CALHM2: variants seen among roughly 807,000 people sequenced by gnomAD.
CALHM2 encodes calcium homeostasis modulator protein 2.
A neutral mutation model predicts 20.4 loss-of-function variants in CALHM2; 18 were observed. That is an observed-to-expected ratio of 0.88 (90% CI 0.61 to 1.31). The LOEUF (loss-of-function observed/expected upper bound fraction) is 1.31. Among genes scored for constraint, CALHM2 ranks in the 50% most tolerant of loss-of-function variants. CALHM2 has a pLI of 0.00. For missense variants in CALHM2, 411 were observed against 435.7 expected (o/e 0.94, Z 0.50); for synonymous variants, 193 against 192.1 (o/e 1.00, Z -0.04).
intron 3 of CALHM2, among the ~76,000 whole-genome samples, chr10:103,447,835 GGCTCA>G (rs1219040705): frequency 6.6e-6 from 1 of 152,182 alleles, no homozygotes; most frequent in African/African-American, 2.4e-5. Flanking sequence ...CAACCTGCCA[GGCTCA>G]GCTCAGATGC....
chr10:103,448,637 C>G (rs1015326073), intron 3 of CALHM2, among the ~76,000 whole-genome samples: 35 of 151,668 alleles, frequency 2.3e-4, no homozygotes, highest in African/African-American at 8.2e-4. Flanking sequence ...AGGAGAATTG[C>G]TTGAACCCAG....
At chr10:103,451,675 G>GAGGAGGAGGAGGAGGAGTAGT (rs56662667) in intron 1 of CALHM2, 1 of 145,498 alleles carries the variant, frequency 6.9e-6, no homozygotes, top group East Asian at 2.1e-4. Flanking sequence ...GGAGGAGGAG[G>GAGGAGGAGGAGGAGGAGTAGT]AGTCTGATTC....
chr10:103,447,270 T>TA lies in CALHM2; in HGVS notation c.853dup (p.Tyr285LeufsTer5). The TA allele has an allele frequency of 1.2e-6, 2 of 1,614,244 alleles. No individual in the cohort carries two copies. The highest frequency in any genetic ancestry group is 1.7e-6 in the Non-Finnish European group (2 of 1,180,048). ...GAGGCCCTGGTTCTCACGGTACAAG[T>TA]AGACGCCGGTGATGGCATTCCACTG... is the stretch of plus-strand genomic sequence containing the variant. On this transcript the variant is annotated frameshift_variant, in exon 4 of 4. Coordinates refer to ENST00000260743, the MANE Select transcript of CALHM2 (RefSeq NM_015916.5). LOFTEE classifies it high-confidence loss of function.
rs754595150 is a variant in CALHM2, at chr10:103,449,765, C to G, written c.177G>C (p.Ala59=). ...GCACCAGGGCGGGCACGCCGATGGC[C>G]GCCAGCCCGTACAGGTAGTTCCGGG... The part of the protein sequence containing the change: ...SPARNYLYGL[A]AIGVPALVLF... The change falls in exon 3 of 4, where the codon GCG becomes GCC. Residue 59 remains alanine (A), a synonymous_variant. Coordinates refer to ENST00000260743, the MANE Select transcript of CALHM2 (RefSeq NM_015916.5). 116 of 1,613,310 alleles carry G rather than the reference C, an allele frequency of 7.2e-5. No homozygotes were observed. The highest frequency in any genetic ancestry group is 9.1e-5 in the Non-Finnish European group (107 of 1,180,032).
At chr10:103,449,192 A>G in intron 3 of CALHM2, 195 bp downstream of exon 3, 1 of 609,166 alleles carries the variant, frequency 1.6e-6, no homozygotes, top group Non-Finnish European at 2.9e-6. Context: ...AAAATTGATA[A>G]AACTGTCTTA....
rs1160053358 is a variant in CALHM2 at position 103,449,837 on chromosome 10, G to A, written c.105C>T (p.Ser35=). Reference sequence around the variant, plus strand: ...AGGCCACCACAGAGAACAGCTCCTGGCTGCCCACCGTGCCCAGTGCCACCA... The same window carrying A: ...AGGCCACCACAGAGAACAGCTCCTGACTGCCCACCGTGCCCAGTGCCACCA... ...NGLVALGTVG[S]QELFSVVAFH... Residue 35 remains serine (S), a synonymous_variant, in exon 3 of 4, where the codon AGC becomes AGT. Coordinates refer to ENST00000260743, the MANE Select transcript of CALHM2 (RefSeq NM_015916.5). 8.7e-6 allele frequency: 14 copies of A among 1,613,260 alleles called. No homozygotes were observed. The highest frequency in any genetic ancestry group is 1.3e-5 in the African/African-American group (1 of 74,928).
chr10:103,451,675 G>GAGGAGGAGGAGGAGGAGT lies in CALHM2; in HGVS notation c.-361-391_-361-390insACTCCTCCTCCTCCTCCT, dbSNP rs56662667. On this transcript the variant is annotated intron_variant, in intron 1 of 3. Transcript: ENST00000260743. The stretch of plus-strand genomic sequence containing the variant: ...GGAGGAGGAGGAGGAGGAGGAGGAG[G>GAGGAGGAGGAGGAGGAGT]AGTCTGATTCTTCCCCCACTTCACA... The GAGGAGGAGGAGGAGGAGT allele has an allele frequency of 6.6e-3, 952 of 145,176 alleles. 16 individuals carry two copies. The highest frequency in any genetic ancestry group is 0.016 in the African/African-American group (607 of 37,438). The allele number at this position is 145,176 out of a possible 1,614,324, so 9.0% of individuals were successfully genotyped here. A position where few individuals can be genotyped will look rare whatever the true frequency, so the allele number is the denominator to read the frequency against.
intron 3 of CALHM2, among the ~76,000 whole-genome samples, 168 bp from the exon 4 acceptor site, chr10:103,447,736 A>G (rs1373172611): frequency 6.6e-6 from 1 of 152,124 alleles, no homozygotes; most frequent in Non-Finnish European, 1.5e-5. Flanking sequence ...ACTTGCGCTT[A>G]GACTTAGCCT....
In CALHM2 at chr10:103,447,538, C is replaced by G; in HGVS notation, c.586G>C (p.Ala196Pro). ...CACTTGGTCAGGAACACCAGGATGG[C>G]CACCACGCCGATGAGCAGCCATCCA... ...LFGWLLIGVV[A>P]ILVFLTKCLK... The change falls in exon 4 of 4, where the codon GCC (alanine) becomes CCC (proline). Residue 196 changes from alanine (A) to proline (P), a missense_variant. Coordinates refer to ENST00000260743, the MANE Select transcript of CALHM2 (RefSeq NM_015916.5). 1.9e-6 allele frequency: 3 copies of G among 1,603,532 alleles called. No homozygotes were observed. Among genetic ancestry groups the G allele is most frequent in the Non-Finnish European group, 1.7e-6 (2 of 1,173,270 alleles).
rs1489160539 is a variant in CALHM2 at position 103,449,519 on chromosome 10, G to GA, written c.422dup (p.Thr142HisfsTer14). 1.3e-5 allele frequency: 21 copies of GA among 1,613,642 alleles called. No homozygotes were observed. Among genetic ancestry groups the GA allele is most frequent in the Non-Finnish European group, 1.7e-5 (20 of 1,180,020 alleles). On this transcript the variant is annotated frameshift_variant, in exon 3 of 4. Coordinates refer to ENST00000260743, the MANE Select transcript of CALHM2 (RefSeq NM_015916.5). LOFTEE classifies it high-confidence loss of function. ...ATGGGAAGTGCTCTTCCCTGGCCGT[G>GA]AGTGAGGAAGGGTCCACGAACTCAC... is the stretch of plus-strand genomic sequence containing the variant.
Position 103,449,969 on chromosome 10 carries a change from A to T in CALHM2, c.-28T>A. On this transcript the variant is annotated 5_prime_UTR_variant, in exon 3 of 4. Coordinates refer to ENST00000260743, the MANE Select transcript of CALHM2 (RefSeq NM_015916.5). ...CGATAGTCGTGGCGGGGTGGATTGCAGGAGAGGAGGCAGGAGGAGACGGGA... is the reference window on the plus strand; with the variant it reads ...CGATAGTCGTGGCGGGGTGGATTGCTGGAGAGGAGGCAGGAGGAGACGGGA... 6.3e-7 allele frequency: 1 copy of T among 1,591,790 alleles called. No homozygotes were observed. Among genetic ancestry groups the T allele is most frequent in the Non-Finnish European group, 8.6e-7 (1 of 1,167,088 alleles).
intron 1 of CALHM2, 193 bp from the exon 2 acceptor site, chr10:103,451,478 G>A (rs1326282525): frequency 6.6e-6 from 1 of 152,518 alleles, no homozygotes; most frequent in Non-Finnish European, 1.5e-5. Context: ...GCCAAACACA[G>A]ACCTAGCCCT....
chr10:103,449,185 A>T (rs2032826773), intron 3 of CALHM2: 9 of 591,706 alleles, frequency 1.5e-5, no homozygotes, highest in South Asian at 1.4e-4. Context: ...AAAAAAAAAA[A>T]TTGATAAAAC....
At chr10:103,450,816 G>A (rs1474865367) in intron 2 of CALHM2, 2 of 152,188 alleles carry the variant, frequency 1.3e-5, no homozygotes, top group Admixed American at 6.5e-5. Flanking sequence ...GATGTTGGAG[G>A]GAAAGAAAAG....
rs539430084 is a variant in CALHM2, at chr10:103,451,712, C to G, written c.-361-427G>C. 4.0e-4 allele frequency: 62 copies of G among 153,624 alleles called. No individual in the cohort carries two copies. In the South Asian group the frequency reaches 0.011, roughly 26 times the overall value. The allele number at this position is 153,624 out of a possible 1,614,324, so 9.5% of individuals were successfully genotyped here. A position where few individuals can be genotyped will look rare whatever the true frequency, so the allele number is the denominator to read the frequency against. ...TCCCCCACTTCACAGCCTGGAGCTT[C>G]CAGCCTAACTTCCTGGGAAAGGCAG... On this transcript the variant is annotated intron_variant, in intron 1 of 3. Coordinates refer to ENST00000260743, the MANE Select transcript of CALHM2 (RefSeq NM_015916.5).
chr10:103,449,119 G>A (rs1259489754), intron 3 of CALHM2, among the ~76,000 whole-genome samples: 1 of 152,188 alleles, frequency 6.6e-6, no homozygotes, highest in Non-Finnish European at 1.5e-5. Flanking sequence ...TGAGCCAGAA[G>A]AATGTTCCTT....
chr10:103,450,283 T>TTGAGCTGTG (rs1564787885), intron 2 of CALHM2, 184 bp from the exon 3 acceptor site: 2 of 304,890 alleles, frequency 6.6e-6, no homozygotes, highest in Non-Finnish European at 1.2e-5. Flanking sequence ...CAGTCCCACG[T>TTGAGCTGTG]TGAGCTGTGT....
chr10:103,448,016 A>G (rs2032753986), intron 3 of CALHM2, among the ~76,000 whole-genome samples: 1 of 152,160 alleles, frequency 6.6e-6, no homozygotes. Context: ...TTGTTTCACC[A>G]CTTGCTCCTG....
rs777395387 is a variant in CALHM2 at position 103,449,990 on chromosome 10, CG to C, written c.-50del. 16 of 1,543,716 alleles carry C rather than the reference CG, an allele frequency of 1.0e-5. No homozygotes were observed. In the African/African-American group the frequency reaches 1.9e-4, roughly 18 times the overall value. ...TTGCAGGAGAGGAGGCAGGAGGAGA[CG>C]GGATTGATGGTTGCTGGTGGTACTA... On this transcript the variant is annotated 5_prime_UTR_variant, in exon 3 of 4. Coordinates refer to ENST00000260743, the MANE Select transcript of CALHM2 (RefSeq NM_015916.5).
Sources: gnomAD v4.1 joint callset for allele counts (sites outside exome capture counted in the v4.1 genomes callset) on GRCh38, gnomAD v4.1.1 for gene constraint, MANE v1.5 for transcripts, NCBI Gene and HGNC (gene_info 2026-07-23, HGNC 2026-07-21) for gene names.